GC: variants seen among roughly 807,000 people sequenced by gnomAD.
GC encodes the protein vitamin D-binding protein.
Under a neutral mutation model 56.7 loss-of-function variants are expected in GC, and 43 were observed. The ratio of observed to expected loss-of-function variants is 0.76; its 90% confidence interval spans 0.59 to 0.98. The LOEUF is 0.98. Ranked by LOEUF, GC falls within the 50% of genes least tolerant of loss-of-function variation. The probability of loss-of-function intolerance (pLI) is 0.00; values close to 1 mark genes in which losing one functional copy is unlikely to be tolerated. For synonymous variants in GC, 216 were observed against 202.7 expected (o/e 1.07, Z -0.56); for missense variants, 529 against 545.9 (o/e 0.97, Z 0.31).
In GC at chr4:71,789,553, A is replaced by C. The variant is rs768232947; in HGVS notation, c.22-5499T>G. Among the ~76,000 whole-genome samples the C allele has an allele frequency of 5.7e-4, 86 of 151,962 alleles. 1 individual carries two copies. Among genetic ancestry groups the C allele is most frequent in the Non-Finnish European group, 1.6e-4 (11 of 67,946 alleles). ...TTAGATGATCTAATAGATTCTCTATACTGAAGGAGAAATGAATTTTCTCAG... is the reference window on the plus strand; with the variant it reads ...TTAGATGATCTAATAGATTCTCTATCCTGAAGGAGAAATGAATTTTCTCAG... On this transcript the variant is annotated intron_variant, in intron 1 of 13. Transcript: ENST00000504199.
chr4:71,781,881 A>G (rs1166680194), intron 1 of GC, among the ~76,000 whole-genome samples: 1 of 151,812 alleles, frequency 6.6e-6, no homozygotes, highest in African/African-American at 2.4e-5. Flanking sequence ...CCTGTCCAGT[A>G]AAGGGTCATC....
intron 7 of GC, 93 bp downstream of exon 7, chr4:71,757,949 C>T (rs1177933986): frequency 2.1e-6 from 2 of 937,322 alleles, no homozygotes; most frequent in Non-Finnish European, 3.3e-6. Flanking sequence ...TAGGATAATG[C>T]ATATGAAATA....
At chr4:71,791,630 G>A (rs1417425519) in intron 1 of GC, among the ~76,000 whole-genome samples, 1 of 151,158 alleles carries the variant, frequency 6.6e-6, no homozygotes, top group African/African-American at 2.4e-5. Flanking sequence ...CCCTCACATA[G>A]GTCTTGTATG....
chr4:71,771,392 G>T (rs1277608006), intron 1 of GC, among the ~76,000 whole-genome samples: 12 of 151,796 alleles, frequency 7.9e-5, no homozygotes, highest in African/African-American at 2.9e-4. Context: ...CCTGTTTAAT[G>T]TCAGATTGCC....
intron 1 of GC, among the ~76,000 whole-genome samples, chr4:71,770,957 A>G (rs1047137046): frequency 2.0e-5 from 3 of 152,174 alleles, no homozygotes; most frequent in Admixed American, 1.3e-4. Flanking sequence ...TGTCCATCAC[A>G]TATGTAATAG....
intron 6 of GC, among the ~76,000 whole-genome samples, chr4:71,760,246 G>T (rs222001): frequency 0.82 from 122,822 of 149,058 alleles, 52,547 homozygotes; most frequent in South Asian, 0.98. Flanking sequence ...TAGAGACGGG[G>T]TTTCATCGTG....
At chr4:71,758,625 C>T (rs1741864951) in intron 6 of GC, among the ~76,000 whole-genome samples, 1 of 152,134 alleles carries the variant, frequency 6.6e-6, no homozygotes, top group Admixed American at 6.5e-5. Flanking sequence ...GGGTGTGTAA[C>T]CTTTCAGTAT....
intron 6 of GC, among the ~76,000 whole-genome samples, 175 bp downstream of exon 6, chr4:71,763,233 A>T (rs1483986436): frequency 6.6e-6 from 1 of 152,202 alleles, no homozygotes; most frequent in Non-Finnish European, 1.5e-5. Context: ...CTTATTTTTC[A>T]TAATCTGTAT....
At chr4:71,768,277 A>G (rs568330145) in intron 3 of GC, 24 bp downstream of exon 3, 278 of 1,563,516 alleles carry the variant, frequency 1.8e-4, no homozygotes, top group Non-Finnish European at 2.3e-4. Flanking sequence ...GCTGCCACAG[A>G]GACGGCCAGC....
rs139344049 is a variant in GC, at chr4:71,763,785, T to A, written c.606+19A>T. 7.7e-4 allele frequency: 1,219 copies of A among 1,587,818 alleles called. 20 individuals are homozygous for A. The East Asian group carries it at 0.025, about 33-fold the overall frequency. On this transcript the variant is annotated intron_variant, in intron 5 of 12. Coordinates refer to ENST00000273951, the MANE Select transcript of GC (RefSeq NM_000583.4). ...AGAAGAAAAAAACGTAAACATATAA[T>A]AAGTAAAATGGGACATACCTCTTTC...
intron 1 of GC, among the ~76,000 whole-genome samples, chr4:71,802,277 C>T (rs1743269811): frequency 6.6e-6 from 1 of 152,042 alleles, no homozygotes; most frequent in Admixed American, 6.6e-5. Flanking sequence ...GGGGTTTAAG[C>T]TGCATATTAT....
At chr4:71,754,026 T>A (rs1741639399) in intron 10 of GC, among the ~76,000 whole-genome samples, 2 of 152,226 alleles carry the variant, frequency 1.3e-5, no homozygotes, top group Admixed American at 1.3e-4. Context: ...AAAACTTAGC[T>A]TCTTCTTATA....
intron 1 of GC, among the ~76,000 whole-genome samples, chr4:71,779,238 T>C (rs537790526): frequency 6.6e-6 from 1 of 152,020 alleles, no homozygotes; most frequent in South Asian, 2.1e-4. Flanking sequence ...GCTTGCATTC[T>C]ATATTTGTTA....
At chr4:71,749,316 G>C (rs1176951189) in intron 11 of GC, among the ~76,000 whole-genome samples, 1 of 152,142 alleles carries the variant, frequency 6.6e-6, no homozygotes, top group African/African-American at 2.4e-5. Context: ...TGATTTGAAT[G>C]GCAATATGTT....
chr4:71,773,306 T>C (rs1742401026), intron 1 of GC, among the ~76,000 whole-genome samples: 1 of 152,112 alleles, frequency 6.6e-6, no homozygotes, highest in African/African-American at 2.4e-5. Flanking sequence ...TTTTTATCTA[T>C]ATTGTGAAAC....
In GC at chr4:71,763,905, G is replaced by A; in HGVS notation, c.505C>T (p.Gln169Ter). ...CTGACTAAAAGTGACAGAGGAGCTT[G>A]TCCGTAATTAGTGGAATATTCCCAC... ...FMWEYSTNYG[Q>*]APLSLLVSYT... Residue 169 changes from glutamine (Q) to a stop codon, truncating the protein, a stop_gained, in exon 5 of 13, where the codon CAA becomes TAA. Transcript: ENST00000273951. LOFTEE classifies it high-confidence loss of function. 1 of 1,611,012 alleles carries A rather than the reference G, an allele frequency of 6.2e-7. No homozygotes were observed. Among genetic ancestry groups the A allele is most frequent in the Non-Finnish European group, 8.5e-7 (1 of 1,177,152 alleles).
chr4:71,793,547 G>A (rs971840322), intron 1 of GC, among the ~76,000 whole-genome samples: 43 of 152,184 alleles, frequency 2.8e-4, no homozygotes, highest in African/African-American at 9.4e-4. Flanking sequence ...AGCTTCAGGA[G>A]GTTTTGGGCT....
At chr4:71,788,400 C>A (rs1001504308), upstream of GC, among the ~76,000 whole-genome samples, 2 of 150,964 alleles carry the variant, frequency 1.3e-5, no homozygotes, top group African/African-American at 4.9e-5. Context: ...ATTTATTAAC[C>A]AAATGGTTTC....
intron 1 of GC, among the ~76,000 whole-genome samples, chr4:71,799,327 A>T (rs1337930342): frequency 6.6e-6 from 1 of 152,120 alleles, no homozygotes; most frequent in East Asian, 1.9e-4. Context: ...GTTTACCCCC[A>T]TCTCTCAATG....
Sources: allele counts gnomAD v4.1 joint callset (sites outside exome capture counted in the v4.1 genomes callset), GRCh38; gene constraint gnomAD v4.1.1; transcripts MANE v1.5; gene names NCBI Gene and HGNC (gene_info 2026-07-23, HGNC 2026-07-21).